Variants in PFAS observed in about 807,000 individuals in gnomAD.
PFAS encodes FGAM synthase.
PFAS carries 97 observed loss-of-function variants against 140.6 expected under a neutral mutation model. That is an observed-to-expected ratio of 0.69 (90% confidence interval 0.59 to 0.82). The LOEUF (loss-of-function observed/expected upper bound fraction) is 0.82, where lower values mean the gene tolerates loss of function less well. Ranked by LOEUF, PFAS falls within the 40% of genes least tolerant of loss-of-function variation. PFAS has a pLI of 0.00. For missense variants in PFAS, 1,656 were observed against 1,780.2 expected, an observed-to-expected ratio of 0.93 and a Z score of 1.26; for synonymous variants, 679 against 718.8, an observed-to-expected ratio of 0.94 and a Z score of 0.88.
chr17:8,260,656 G>T (rs894348828), intron 11 of PFAS, among the ~76,000 whole-genome samples: 2 of 152,110 alleles, frequency 1.3e-5, no homozygotes, highest in Admixed American at 1.3e-4. Flanking sequence ...ACGGAGTCTC[G>T]CTCTGTCGCC....
chr17:8,269,880 CTTT>C lies in PFAS; in HGVS notation c.*631_*633del, dbSNP rs911838363. 5.8e-5 allele frequency: 8 copies of C among 138,866 alleles called. No individual in the cohort carries two copies. Among genetic ancestry groups the C allele is most frequent in the Admixed American group, 7.3e-5 (1 of 13,728 alleles). The allele number at this position is 138,866 out of a possible 1,614,324, so 8.6% of individuals were successfully genotyped here. A position where few individuals can be genotyped will look rare whatever the true frequency, so the allele number is the denominator to read the frequency against. On this transcript the variant is annotated 3_prime_UTR_variant, in exon 28 of 28. Transcript: ENST00000314666. ...TATTTGCTTCTAAATTAGCAGCTCT[CTTT>C]TTTTTTTTTTTTTTGAGGCAGTCTC...
chr17:8,263,157 G>C lies in PFAS; in HGVS notation c.1459G>C (p.Gly487Arg). The change falls in exon 13 of 28, where the codon GGA becomes CGA. Residue 487 changes from glycine to arginine, a missense_variant. Physicochemically the swap from Gly to Arg is moderately radical, Grantham distance 125. Transcript: ENST00000314666. ...CCTGGACTTTGGGGCTGTGCAGCGA[G>C]GAGACCCGGAGATGGAACAGAAGAT... is the stretch of plus-strand genomic sequence containing the variant. Reference protein sequence around the residue: ...SDLDFGAVQRGDPEMEQKMNR... With the variant: ...SDLDFGAVQRRDPEMEQKMNR... The C allele has an allele frequency of 1.2e-6, 2 of 1,614,002 alleles. No individual in the cohort carries two copies.
At chr17:8,258,802 C>T (rs181947946) in intron 11 of PFAS, among the ~76,000 whole-genome samples, 167 of 152,016 alleles carry the variant, frequency 1.1e-3, no homozygotes, top group Middle Eastern at 6.8e-3. Context: ...CTGGCTAACA[C>T]GGTGAAACCC....
intron 1 of PFAS, among the ~76,000 whole-genome samples, chr17:8,251,872 C>T (rs1989167821): frequency 6.6e-6 from 1 of 151,828 alleles, no homozygotes. Context: ...AGGGTTTCAC[C>T]ACGTTGGCCA....
intron 3 of PFAS, 106 bp from the exon 4 acceptor site, chr17:8,254,921 G>A (rs2151577733): frequency 2.6e-6 from 2 of 758,072 alleles, no homozygotes; most frequent in Middle Eastern, 2.4e-4. Flanking sequence ...CCAATGGTGA[G>A]GGGATAGCGG....
chr17:8,263,174 A>G lies in PFAS; in HGVS notation c.1476A>G (p.Glu492=). The part of the protein sequence containing the change: ...GAVQRGDPEM[E]QKMNRVIRAC... ...TGCAGCGAGGAGACCCGGAGATGGA[A>G]CAGAAGATGAACCGTGTGATCAGGG... Residue 492 remains glutamate, a synonymous_variant, in exon 13 of 28, where the codon GAA becomes GAG. Coordinates refer to ENST00000314666, the MANE Select transcript of PFAS (RefSeq NM_012393.3). 6.2e-7 allele frequency: 1 copy of G among 1,613,970 alleles called. No homozygotes were observed.
chr17:8,259,039 A>G (rs572053031), intron 11 of PFAS, among the ~76,000 whole-genome samples: 1 of 150,924 alleles, frequency 6.6e-6, no homozygotes, highest in South Asian at 2.1e-4. Context: ...CTATAGTCCC[A>G]GCCTCCTGAG....
At chr17:8,256,497 C>T (rs777065258) in intron 7 of PFAS, 27 bp from the exon 8 acceptor site, 5 of 1,613,860 alleles carry the variant, frequency 3.1e-6, no homozygotes, top group Non-Finnish European at 3.4e-6. Flanking sequence ...AGAAAGGAAG[C>T]AAGGTCCATG....
chr17:8,256,120 G>A (rs1989352124), intron 6 of PFAS, 147 bp from the exon 7 acceptor site: 3 of 905,592 alleles, frequency 3.3e-6, no homozygotes, highest in Admixed American at 2.8e-5. Context: ...AATACTTGAA[G>A]ATTATGACTT....
chr17:8,257,103 C>G, intron 9 of PFAS, 140 bp downstream of exon 9: 1 of 903,264 alleles, frequency 1.1e-6, no homozygotes, highest in Non-Finnish European at 1.8e-6. Flanking sequence ...GCTGGCCTTT[C>G]ACTAACTATG....
Position 8,262,941 on chromosome 17 carries a change from G to A in PFAS, c.1358G>A (p.Gly453Glu). The A allele has an allele frequency of 6.2e-7, 1 of 1,614,096 alleles. No homozygotes were observed. Among genetic ancestry groups the A allele is most frequent in the Admixed American group, 1.7e-5 (1 of 60,020 alleles). The change falls in exon 12 of 28, where the codon GGA (glycine) becomes GAA (glutamate). Residue 453 changes from glycine (G) to glutamate (E), a missense_variant. By Grantham distance (98) the Gly-to-Glu change is moderately conservative. This residue lies in a region of PFAS where 773 missense variants were observed against 757.3 expected (regional missense o/e 1.02). Coordinates refer to ENST00000314666, the MANE Select transcript of PFAS (RefSeq NM_012393.3). ...PEPGMEVVKV[G>E]GPVYRIGVGG... ...ACAGGCATGGAAGTTGTAAAGGTTG[G>A]AGGTCCCGTCTACAGGATTGGAGTT...
chr17:8,256,144 T>C (rs1467759223), intron 6 of PFAS, 123 bp from the exon 7 acceptor site: 2 of 982,162 alleles, frequency 2.0e-6, no homozygotes, highest in Non-Finnish European at 3.0e-6. Context: ...GGAATATATT[T>C]TGATCTGTCA....
chr17:8,265,793 G>T, intron 20 of PFAS, 69 bp from the exon 21 acceptor site: 1 of 1,393,558 alleles, frequency 7.2e-7, no homozygotes, highest in Non-Finnish European at 1.0e-6. Context: ...GAATAGCAGT[G>T]CTGTGAGCCC....
At chr17:8,261,164 T>G (rs944424936) in intron 11 of PFAS, among the ~76,000 whole-genome samples, 1 of 152,200 alleles carries the variant, frequency 6.6e-6, no homozygotes. Context: ...ATAGTGGGTA[T>G]GAAGCAGTAT....
chr17:8,253,813 A>G, intron 1 of PFAS, 46 bp from the exon 2 acceptor site: 1 of 1,389,878 alleles, frequency 7.2e-7, no homozygotes, highest in East Asian at 2.5e-5. Flanking sequence ...TGCTGGGGTT[A>G]CAGATGTGAG....
upstream of PFAS, chr17:8,248,218 T>C: frequency 3.3e-6 from 2 of 598,932 alleles, no homozygotes. Flanking sequence ...CCATCCCAAC[T>C]CCCGACACCC....
intron 1 of PFAS, among the ~76,000 whole-genome samples, chr17:8,252,832 G>A (rs1989211391): frequency 6.6e-6 from 1 of 152,140 alleles, no homozygotes; most frequent in Non-Finnish European, 1.5e-5. Context: ...ATGTTGCCCA[G>A]GTTGGTCTCG....
Position 8,265,488 on chromosome 17 carries a change from G to C in PFAS, c.2461+20G>C. 1 of 1,613,070 alleles carries C rather than the reference G, an allele frequency of 6.2e-7. No homozygotes were observed. Among genetic ancestry groups the C allele is most frequent in the Non-Finnish European group, 8.5e-7 (1 of 1,179,064 alleles). On this transcript the variant is annotated intron_variant, in intron 19 of 27. Transcript: ENST00000314666. Reference sequence around the variant, plus strand: ...CTCCTGGTGAGGTGTGGGAGCCCCAGGGAGGGGAGGAGGAACTATGGAGCT... The same window carrying C: ...CTCCTGGTGAGGTGTGGGAGCCCCACGGAGGGGAGGAGGAACTATGGAGCT...
chr17:8,266,480 TC>T lies in PFAS; in HGVS notation c.2821+128del. On this transcript the variant is annotated intron_variant, in intron 22 of 27. Coordinates refer to ENST00000314666, the MANE Select transcript of PFAS (RefSeq NM_012393.3). The surrounding 1 kb of genome is among the most constrained non-coding windows in gnomAD (Gnocchi z 5.0). The stretch of plus-strand genomic sequence containing the variant: ...CCCTGAGTCTTCCCTGACTAGCTTT[TC>T]TGTGCTGTCTCTCTGACAGCTGAAC... 1 of 1,501,710 alleles carries T rather than the reference TC, an allele frequency of 6.7e-7. No homozygotes were observed. The highest frequency in any genetic ancestry group is 1.4e-5 in the African/African-American group (1 of 71,896). 93.0% of individuals were successfully genotyped at this position (1,501,710 alleles called of 1,614,324 possible).
Sources: gnomAD v4.1 joint callset for allele counts (sites outside exome capture counted in the v4.1 genomes callset) on GRCh38, gnomAD v4.1.1 for gene constraint, gnomAD v4.1.1 regional missense constraint, Gnocchi (gnomAD v3.1) non-coding constraint, MANE v1.5 for transcripts, NCBI Gene and HGNC (gene_info 2026-07-23, HGNC 2026-07-21) for gene names.